The following XPR1 variants were observed in gnomAD, a reference collection of about 807,000 sequenced individuals.
XPR1 encodes the protein solute carrier family 53 member 1.
XPR1 carries 28 observed loss-of-function variants against 87.5 expected under a neutral mutation model. The observed-to-expected ratio is 0.32, with a 90% CI of 0.24 to 0.44. The LOEUF (loss-of-function observed/expected upper bound fraction) is 0.44, where lower values mean the gene tolerates loss of function less well. Ranked by LOEUF, XPR1 falls within the 20% of genes least tolerant of loss-of-function variation. The pLI is 1.00. For synonymous variants in XPR1, 300 were observed against 306.1 expected (o/e 0.98, Z 0.21); for missense variants, 559 against 862.3 (o/e 0.65, Z 4.41).
chr1:180,884,278 A>G lies in XPR1; in HGVS notation c.*212A>G. 6.2e-6 allele frequency: 3 copies of G among 483,234 alleles called. No individual in the cohort carries two copies. The highest frequency in any genetic ancestry group is 1.1e-5 in the Non-Finnish European group (3 of 270,206). 29.9% of individuals were successfully genotyped at this position (483,234 alleles called of 1,614,324 possible). On this transcript the variant is annotated 3_prime_UTR_variant, in exon 15 of 15. Coordinates refer to ENST00000367590, the MANE Select transcript of XPR1 (RefSeq NM_004736.4). The stretch of plus-strand genomic sequence containing the variant: ...TTTAATTTTAATTTTCTATTTTCAA[A>G]ACAAATATTTACTTCATTTGCCAAT...
chr1:180,641,601 G>C (rs1249829957), intron 1 of XPR1, among the ~76,000 whole-genome samples: 3 of 152,134 alleles, frequency 2.0e-5, no homozygotes, highest in Non-Finnish European at 4.4e-5. Context: ...GGTGAAATTT[G>C]CATGTGTTAT....
intron 11 of XPR1, among the ~76,000 whole-genome samples, chr1:180,852,696 G>A (rs1651903076): frequency 6.6e-6 from 1 of 151,964 alleles, no homozygotes; most frequent in Admixed American, 6.6e-5. Flanking sequence ...CTACAGGTGT[G>A]CGCCACCACA....
chr1:180,884,015 T>C lies in XPR1; in HGVS notation c.2040T>C (p.Ala680=). 7 of 1,614,096 alleles carry C rather than the reference T, an allele frequency of 4.3e-6. No individual in the cohort carries two copies. The highest frequency in any genetic ancestry group is 5.9e-6 in the Non-Finnish European group (7 of 1,179,990). ...CCCTTGTTACCACTAGATCCAAGGC[T>C]CGTGACACTAAGGTATTGATAGAAG... ...RRPRLASQSK[A]RDTKVLIEDT... is the part of the protein sequence containing the mutation. Residue 680 remains alanine (A), a synonymous_variant, in exon 15 of 15, where the codon GCT becomes GCC. Coordinates refer to ENST00000367590, the MANE Select transcript of XPR1 (RefSeq NM_004736.4).
intron 12 of XPR1, 152 bp downstream of exon 12, chr1:180,864,026 ATATAT>A: frequency 1.8e-6 from 1 of 568,738 alleles, no homozygotes; most frequent in Non-Finnish European, 2.6e-6. Flanking sequence ...GTCAGCAAAA[ATATAT>A]TAGATGTTTA....
chr1:180,664,924 C>T (rs149969568), intron 1 of XPR1, among the ~76,000 whole-genome samples: 3 of 152,202 alleles, frequency 2.0e-5, no homozygotes, highest in Non-Finnish European at 4.4e-5. Context: ...CACAAGAGTT[C>T]GTGCTCCTGT....
At chr1:180,865,629 T>C (rs1652364885) in intron 12 of XPR1, among the ~76,000 whole-genome samples, 1 of 152,174 alleles carries the variant, frequency 6.6e-6, no homozygotes, top group Admixed American at 6.5e-5. Flanking sequence ...CTCAGTCTCC[T>C]GACCTCATGA....
At chr1:180,873,183 C>G (rs905990575) in intron 12 of XPR1, among the ~76,000 whole-genome samples, 1 of 152,128 alleles carries the variant, frequency 6.6e-6, no homozygotes, top group Non-Finnish European at 1.5e-5. Context: ...GTACTTAAGA[C>G]TTTTGTGTAG....
chr1:180,776,005 A>C (rs945239563), intron 2 of XPR1, among the ~76,000 whole-genome samples: 2 of 152,182 alleles, frequency 1.3e-5, no homozygotes, highest in Non-Finnish European at 2.9e-5. Flanking sequence ...TACGCAATCT[A>C]AATTTTGCTG....
chr1:180,786,860 A>G (rs141546786), intron 2 of XPR1, among the ~76,000 whole-genome samples: 2 of 152,202 alleles, frequency 1.3e-5, no homozygotes, highest in Admixed American at 6.5e-5. Context: ...ACAATCATCT[A>G]CTTGCCCAAC....
intron 3 of XPR1, among the ~76,000 whole-genome samples, chr1:180,790,641 G>A (rs1404738142): frequency 2.0e-5 from 3 of 152,118 alleles, no homozygotes; most frequent in Non-Finnish European, 2.9e-5. Flanking sequence ...CCGGGTTCAC[G>A]TCATTCTCCT....
intron 11 of XPR1, among the ~76,000 whole-genome samples, chr1:180,838,647 T>G (rs1035104039): frequency 6.6e-6 from 1 of 152,206 alleles, no homozygotes; most frequent in Non-Finnish European, 1.5e-5. Flanking sequence ...ATTTTTCATC[T>G]TAAGTTTAAA....
intron 6 of XPR1, among the ~76,000 whole-genome samples, chr1:180,810,809 GTA>G (rs910916074): frequency 6.7e-6 from 1 of 149,954 alleles, no homozygotes; most frequent in African/African-American, 2.4e-5. Context: ...GTATATATGT[GTA>G]TATATATGTA....
At chr1:180,638,459 AG>A (rs1198308678) in intron 1 of XPR1, among the ~76,000 whole-genome samples, 1 of 152,100 alleles carries the variant, frequency 6.6e-6, no homozygotes, top group Admixed American at 6.6e-5. Flanking sequence ...AGACTTCACC[AG>A]GGTTCTTGCC....
At chr1:180,874,456 G>A (rs183668891) in intron 13 of XPR1, among the ~76,000 whole-genome samples, 8 of 152,196 alleles carry the variant, frequency 5.3e-5, no homozygotes, top group East Asian at 1.9e-4. Flanking sequence ...TTGGGAGGCC[G>A]AGGCCGGTGG....
At chr1:180,883,503 G>A (rs1337812008) in intron 14 of XPR1, among the ~76,000 whole-genome samples, 1 of 152,068 alleles carries the variant, frequency 6.6e-6, no homozygotes, top group Admixed American at 6.5e-5. Context: ...GAGGTCAGGA[G>A]TTTGAGACCA....
At chr1:180,748,444 G>A (rs1647373306) in intron 2 of XPR1, among the ~76,000 whole-genome samples, 1 of 44,808 alleles carries the variant, frequency 2.2e-5, no homozygotes, top group African/African-American at 7.7e-5. Flanking sequence ...TTGAGATGGA[G>A]TTTCACTCTT....
chr1:180,799,321 G>T (rs1649698672), intron 3 of XPR1, among the ~76,000 whole-genome samples: 1 of 152,130 alleles, frequency 6.6e-6, no homozygotes, highest in South Asian at 2.1e-4. Flanking sequence ...TGGATATTTT[G>T]GTTATGTTGG....
chr1:180,859,653 T>G (rs185193065), intron 11 of XPR1, among the ~76,000 whole-genome samples: 3 of 152,152 alleles, frequency 2.0e-5, no homozygotes, highest in Admixed American at 1.3e-4. Context: ...AAGTGTGTGC[T>G]AATCATTGTT....
At chr1:180,798,110 C>G (rs1476881794) in intron 3 of XPR1, among the ~76,000 whole-genome samples, 2 of 151,792 alleles carry the variant, frequency 1.3e-5, no homozygotes, top group South Asian at 2.1e-4. Flanking sequence ...TCTCTTACTT[C>G]AAAACACTAA....
Sources: gnomAD v4.1 joint callset for allele counts (sites outside exome capture counted in the v4.1 genomes callset) on GRCh38, gnomAD v4.1.1 for gene constraint, MANE v1.5 for transcripts, NCBI Gene and HGNC (gene_info 2026-07-23, HGNC 2026-07-21) for gene names.